The following B3GAT1 variants were observed in gnomAD, a reference collection of about 807,000 sequenced individuals.
B3GAT1 encodes the protein galactosylgalactosylxylosylprotein 3-beta-glucuronosyltransferase 1.
Under a neutral mutation model 28.4 loss-of-function variants are expected in B3GAT1, and 11 were observed. The ratio of observed to expected loss-of-function variants is 0.39; its 90% CI spans 0.24 to 0.64. The LOEUF (loss-of-function observed/expected upper bound fraction) is 0.64. Ranked by LOEUF, B3GAT1 falls within the 30% of genes least tolerant of loss-of-function variation. The probability of loss-of-function intolerance (pLI) is 0.50; values close to 1 mark genes in which losing one functional copy is unlikely to be tolerated. For synonymous variants in B3GAT1, 255 were observed against 223.1 expected (o/e 1.14, Z -1.27); for missense variants, 375 against 491.0 (o/e 0.76, Z 2.23).
chr11:134,402,830 T>C (rs1182601141), intron 1 of B3GAT1, among the ~76,000 whole-genome samples: 5 of 151,884 alleles, frequency 3.3e-5, no homozygotes, highest in Non-Finnish European at 7.4e-5. Context: ...GGAGAATAAC[T>C]TGAGCCCGGG....
At chr11:134,403,979 TTCTTTATATATATA>T (rs1409535853) in intron 1 of B3GAT1, among the ~76,000 whole-genome samples, 46 of 96,980 alleles carry the variant, frequency 4.7e-4, no homozygotes, top group African/African-American at 1.7e-3. Flanking sequence ...CAGAGTTTCT[TTCTTTATATATATA>T]TATATATATA....
In B3GAT1 at chr11:134,412,086, C is replaced by G. The variant is rs1269707257; in HGVS notation, c.-561G>C. ...GGGAGGGAGGGCGCGGGCAGGGAGG[C>G]GGGGGGCGGGGGGCGGGGAGGGGGA... On this transcript the variant is annotated 5_prime_UTR_variant, in exon 1 of 6. Transcript: ENST00000312527. Among the ~76,000 whole-genome samples, 1 of 20,264 alleles carries G rather than the reference C, an allele frequency of 4.9e-5. No individual in the cohort carries two copies. Among genetic ancestry groups the G allele is most frequent in the African/African-American group, 1.6e-4 (1 of 6,160 alleles). 13.3% of individuals were successfully genotyped at this position (20,264 alleles called of 152,430 possible).
At chr11:134,399,535 G>A (rs184386179) in intron 1 of B3GAT1, among the ~76,000 whole-genome samples, 100 of 152,358 alleles carry the variant, frequency 6.6e-4, no homozygotes, top group Non-Finnish European at 1.3e-3. Flanking sequence ...CCAGGGGCAA[G>A]CCGTCGAAGC....
At chr11:134,410,871 C>T (rs1302850223) in intron 1 of B3GAT1, among the ~76,000 whole-genome samples, 2 of 152,256 alleles carry the variant, frequency 1.3e-5, no homozygotes, top group African/African-American at 4.8e-5. Context: ...CTCTAGGCCC[C>T]ATTGGGCACC....
chr11:134,411,947 G>T lies in B3GAT1; in HGVS notation c.-422C>A. The T allele has an allele frequency of 6.7e-6, 1 of 149,882 alleles. No individual in the cohort carries two copies. The highest frequency in any genetic ancestry group is 2.0e-4 in the South Asian group (1 of 5,114). 9.3% of individuals were successfully genotyped at this position (149,882 alleles called of 1,614,324 possible). A position where few individuals can be genotyped will look rare whatever the true frequency, so the allele number is the denominator to read the frequency against. Reference sequence around the variant, plus strand: ...GGGACTGTCGGGCTCCGGGCCCCCGGGGGCCACTTCATAGCCGCGGGGTCC... The same window carrying T: ...GGGACTGTCGGGCTCCGGGCCCCCGTGGGCCACTTCATAGCCGCGGGGTCC... On this transcript the variant is annotated 5_prime_UTR_variant, in exon 1 of 6. Coordinates refer to ENST00000312527, the MANE Select transcript of B3GAT1 (RefSeq NM_054025.3). This position sits in a 1 kb window ranked among gnomAD's most constrained non-coding sequence, Gnocchi z 6.0.
chr11:134,383,614 T>C lies in B3GAT1; in HGVS notation c.621+66A>G, dbSNP rs901397837. ...GCGCGCCTCCGCACCCACACCCCCT[T>C]CTCGGGAAGCCCCTCCACTCCCCGC... is the stretch of plus-strand genomic sequence containing the variant. On this transcript the variant is annotated intron_variant, in intron 3 of 5. Coordinates refer to ENST00000312527, the MANE Select transcript of B3GAT1 (RefSeq NM_054025.3). 4.1e-6 allele frequency: 6 copies of C among 1,447,658 alleles called. No homozygotes were observed. In the African/African-American group the frequency reaches 7.2e-5, roughly 17 times the overall value. 89.7% of individuals were successfully genotyped at this position (1,447,658 alleles called of 1,614,324 possible).
chr11:134,411,948 G>T lies in B3GAT1; in HGVS notation c.-423C>A. 1 of 149,558 alleles carries T rather than the reference G, an allele frequency of 6.7e-6. No homozygotes were observed. Among genetic ancestry groups the T allele is most frequent in the South Asian group, 2.0e-4 (1 of 5,120 alleles). 9.3% of individuals were successfully genotyped at this position (149,558 alleles called of 1,614,324 possible). A position where few individuals can be genotyped will look rare whatever the true frequency, so the allele number is the denominator to read the frequency against. ...GGACTGTCGGGCTCCGGGCCCCCGG[G>T]GGCCACTTCATAGCCGCGGGGTCCG... On this transcript the variant is annotated 5_prime_UTR_variant, in exon 1 of 6. Transcript: ENST00000312527. This position sits in a 1 kb window ranked among gnomAD's most constrained non-coding sequence, Gnocchi z 6.0.
At chr11:134,400,043 G>A (rs1033071995) in intron 1 of B3GAT1, among the ~76,000 whole-genome samples, 2 of 152,152 alleles carry the variant, frequency 1.3e-5, no homozygotes, top group East Asian at 3.9e-4. Flanking sequence ...GCCCTAGGCT[G>A]CTCAGTTTCC....
Position 134,387,560 on chromosome 11 carries a change from C to T in B3GAT1, c.100G>A (p.Ala34Thr), listed in dbSNP as rs746141520. 1.2e-5 allele frequency: 19 copies of T among 1,614,020 alleles called. No individual in the cohort carries two copies. The highest frequency in any genetic ancestry group is 1.4e-5 in the Non-Finnish European group (16 of 1,180,040). ...CGTGCGTGCTCACCCTTATGTACCG[C>T]GAGCAGGGGTGCGAGGGTGCTCTGG... ...WHQSTLAPLL[A>T]VHKDEGSDPR... is the part of the protein sequence containing the mutation. The change falls in exon 2 of 6, where the codon GCG becomes ACG. Residue 34 changes from alanine to threonine, a missense_variant. Coordinates refer to ENST00000312527, the MANE Select transcript of B3GAT1 (RefSeq NM_054025.3).
intron 1 of B3GAT1, among the ~76,000 whole-genome samples, chr11:134,403,034 C>T (rs562913125): frequency 2.2e-4 from 34 of 152,262 alleles, no homozygotes; most frequent in African/African-American, 7.0e-4. Flanking sequence ...GATGATCCCG[C>T]GGTCCTCAGT....
intron 1 of B3GAT1, among the ~76,000 whole-genome samples, chr11:134,398,485 T>C (rs139869393): frequency 6.6e-6 from 1 of 150,872 alleles, no homozygotes; most frequent in East Asian, 1.9e-4. Context: ...GATTTATGGC[T>C]TCCAAAAGGA....
chr11:134,405,173 C>T (rs1416363885), intron 1 of B3GAT1, among the ~76,000 whole-genome samples: 1 of 152,216 alleles, frequency 6.6e-6, no homozygotes, highest in African/African-American at 2.4e-5. Context: ...CACAGCCCTG[C>T]CTCAGAGGGA....
In B3GAT1 at chr11:134,412,108, G is replaced by GGGAGCAGGGAGGGGGGAGGT; in HGVS notation, c.-584_-583insACCTCCCCCCTCCCTGCTCC. Among the ~76,000 whole-genome samples, 1 of 107,662 alleles carries GGGAGCAGGGAGGGGGGAGGT rather than the reference G, an allele frequency of 9.3e-6. No individual in the cohort carries two copies. Among genetic ancestry groups the GGGAGCAGGGAGGGGGGAGGT allele is most frequent in the African/African-American group, 3.4e-5 (1 of 29,320 alleles). 70.6% of individuals were successfully genotyped at this position (107,662 alleles called of 152,430 possible). ...AGGCGGGGGGCGGGGGGCGGGGAGG[G>GGGAGCAGGGAGGGGGGAGGT]GGAGCGGGGAGGGGGAGCGGGGAGC... On this transcript the variant is annotated 5_prime_UTR_variant, in exon 1 of 6. Coordinates refer to ENST00000312527, the MANE Select transcript of B3GAT1 (RefSeq NM_054025.3).
At chr11:134,410,321 C>T (rs886742014) in intron 1 of B3GAT1, among the ~76,000 whole-genome samples, 2 of 152,220 alleles carry the variant, frequency 1.3e-5, no homozygotes, top group Non-Finnish European at 2.9e-5. Context: ...CCCAAGCATC[C>T]TGGGGTCAGG....
intron 1 of B3GAT1, among the ~76,000 whole-genome samples, chr11:134,405,601 C>T (rs1286835738): frequency 3.9e-5 from 6 of 152,162 alleles, no homozygotes; most frequent in East Asian, 3.9e-4. Context: ...GGAGTCTCAG[C>T]GTTGCGCCCC....
At chr11:134,401,690 G>A (rs539607560) in intron 1 of B3GAT1, among the ~76,000 whole-genome samples, 58 of 152,076 alleles carry the variant, frequency 3.8e-4, no homozygotes, top group African/African-American at 1.2e-3. Context: ...TAATATACCC[G>A]GGTAACAAAC....
At chr11:134,391,250 C>T (rs1186454093) in intron 1 of B3GAT1, 2 of 152,194 alleles carry the variant, frequency 1.3e-5, no homozygotes, top group Non-Finnish European at 2.9e-5. Flanking sequence ...GAGCTAATTA[C>T]CAGGCAGTTA....
chr11:134,410,958 A>C (rs973935300), intron 1 of B3GAT1, among the ~76,000 whole-genome samples: 5 of 152,236 alleles, frequency 3.3e-5, no homozygotes, highest in African/African-American at 1.2e-4. Context: ...AGAGTCCTTC[A>C]GCTCCAGCTT....
intron 1 of B3GAT1, among the ~76,000 whole-genome samples, chr11:134,409,020 T>C (rs902087368): frequency 6.6e-6 from 1 of 152,200 alleles, no homozygotes; most frequent in Non-Finnish European, 1.5e-5. Context: ...CTCCAAATTC[T>C]AGAGCCATCC....
Sources: allele counts gnomAD v4.1 joint callset (sites outside exome capture counted in the v4.1 genomes callset), GRCh38; gene constraint gnomAD v4.1.1; non-coding constraint Gnocchi (gnomAD v3.1); transcripts MANE v1.5; gene names NCBI Gene and HGNC (gene_info 2026-07-23, HGNC 2026-07-21).